PLD1: variants seen among roughly 807,000 people sequenced by gnomAD.
The protein encoded by PLD1 is choline phosphatase 1.
Under a neutral mutation model 137.1 loss-of-function variants are expected in PLD1, and 112 were observed. The ratio of observed to expected loss-of-function variants is 0.82; its 90% CI spans 0.70 to 0.96. The LOEUF (loss-of-function observed/expected upper bound fraction) is 0.96, where lower values mean the gene tolerates loss of function less well. PLD1 is among the 40% of genes least tolerant of loss of function. The pLI, the probability that PLD1 is intolerant of heterozygous loss-of-function variation, is 0.00. For missense variants in PLD1, 1,321 were observed against 1,342.0 expected (o/e 0.98, Z 0.24); for synonymous variants, 431 against 454.7 (o/e 0.95, Z 0.66).
chr3:171,644,205 A>G (rs1736005626), intron 22 of PLD1, among the ~76,000 whole-genome samples: 1 of 152,152 alleles, frequency 6.6e-6, no homozygotes, highest in South Asian at 2.1e-4. Context: ...TGGTTAAGTG[A>G]CCCTGAGAGA....
intron 11 of PLD1, among the ~76,000 whole-genome samples, chr3:171,703,868 T>C (rs1376125637): frequency 1.3e-5 from 2 of 152,138 alleles, no homozygotes. Flanking sequence ...AGGGTTGCAG[T>C]GGAAAGCCCA....
chr3:171,676,543 T>G (rs1012023298), intron 18 of PLD1, among the ~76,000 whole-genome samples, 172 bp downstream of exon 18: 14 of 103,150 alleles, frequency 1.4e-4, no homozygotes, highest in Non-Finnish European at 2.4e-5. Flanking sequence ...ATGTTTCCCT[T>G]TTTTTTTGCC....
Position 171,687,423 on chromosome 3 carries a change from G to T in PLD1, c.1701C>A (p.His567Gln), listed in dbSNP as rs1327125126. 6.2e-7 allele frequency: 1 copy of T among 1,614,084 alleles called. No individual in the cohort carries two copies. Among genetic ancestry groups the T allele is most frequent in the African/African-American group, 1.3e-5 (1 of 74,912 alleles). The stretch of plus-strand genomic sequence containing the variant: ...TATCTGCGTCGTGCAGGTGGTGCCT[G>T]TGGAGCTGCTTGTAGAGACTAAATT... ...FSKFSLYKQL[H>Q]RHHLHDADSI... Residue 567 changes from histidine to glutamine, a missense_variant, in exon 15 of 27, where the codon CAC (histidine) becomes CAA (glutamine). Physicochemically the swap from His to Gln is conservative, Grantham distance 24. Coordinates refer to ENST00000351298, the MANE Select transcript of PLD1 (RefSeq NM_002662.5).
At chr3:171,755,063 CT>C (rs1443318728) in intron 1 of PLD1, among the ~76,000 whole-genome samples, 2 of 152,130 alleles carry the variant, frequency 1.3e-5, no homozygotes, top group African/African-American at 2.4e-5. Flanking sequence ...GTATGTCCTT[CT>C]TTTGCAGTCA....
intron 19 of PLD1, among the ~76,000 whole-genome samples, chr3:171,674,040 A>T (rs1713069125): frequency 6.6e-6 from 1 of 152,186 alleles, no homozygotes; most frequent in Non-Finnish European, 1.5e-5. Flanking sequence ...GTTAAACTGG[A>T]TGTGGTAAAC....
At chr3:171,604,611 C>T (rs73038030) in intron 26 of PLD1, among the ~76,000 whole-genome samples, 7,241 of 152,122 alleles carry the variant, frequency 0.048, 423 homozygotes, top group African/African-American at 0.14. Flanking sequence ...TCTACTGTTA[C>T]GCAACTCTTA....
intron 4 of PLD1, 48 bp downstream of exon 4, chr3:171,735,443 AC>A (rs1719284525): frequency 6.6e-7 from 1 of 1,516,516 alleles, no homozygotes; most frequent in Admixed American, 1.7e-5. Flanking sequence ...GACAAAATAC[AC>A]TTTCCATTCA....
intron 23 of PLD1, among the ~76,000 whole-genome samples, chr3:171,625,978 A>G (rs938246181): frequency 5.9e-5 from 9 of 152,270 alleles, no homozygotes; most frequent in African/African-American, 2.2e-4. Flanking sequence ...GCTCCTCACC[A>G]GCAACGGAAC....
chr3:171,729,974 C>T (rs1288652297), intron 6 of PLD1, among the ~76,000 whole-genome samples: 1 of 152,180 alleles, frequency 6.6e-6, no homozygotes, highest in Admixed American at 6.5e-5. Context: ...AAATGATTTA[C>T]TTCAAGGTAG....
chr3:171,764,968 AAG>A (rs1491363259), intron 1 of PLD1, among the ~76,000 whole-genome samples: 2 of 108,194 alleles, frequency 1.8e-5, no homozygotes, highest in African/African-American at 5.9e-5. Flanking sequence ...GAAAGAAAGA[AAG>A]AAAGAAAGAA....
intron 19 of PLD1, among the ~76,000 whole-genome samples, chr3:171,663,674 C>G (rs1711769349): frequency 6.6e-6 from 1 of 152,116 alleles, no homozygotes; most frequent in South Asian, 2.1e-4. Flanking sequence ...TCACTTTTTT[C>G]CAACATTCTA....
chr3:171,805,367 C>G (rs954138141), intron 1 of PLD1, among the ~76,000 whole-genome samples: 3 of 152,176 alleles, frequency 2.0e-5, no homozygotes, highest in African/African-American at 7.2e-5. Context: ...ATGACCCAGT[C>G]GGCCATAATG....
In PLD1 at chr3:171,688,843, C is replaced by G. The variant is rs369917466; in HGVS notation, c.1372G>C (p.Val458Leu). 6.2e-7 allele frequency: 1 copy of G among 1,614,026 alleles called. No individual in the cohort carries two copies. Among genetic ancestry groups the G allele is most frequent in the Admixed American group, 1.7e-5 (1 of 60,016 alleles). The change falls in exon 14 of 27, where the codon GTC (valine) becomes CTC (leucine). Residue 458 changes from valine to leucine, a missense_variant. Val to Leu is a conservative substitution (Grantham distance 32, BLOSUM62 1). Coordinates refer to ENST00000351298, the MANE Select transcript of PLD1 (RefSeq NM_002662.5). ...TTCTCATGGTGAGCCCACAAATAGACGGTGGATGACACATGATCCGGGTGT... is the reference window on the plus strand; with the variant it reads ...TTCTCATGGTGAGCCCACAAATAGAGGGTGGATGACACATGATCCGGGTGT... ...MRHPDHVSST[V>L]YLWAHHEKLV... is the part of the protein sequence containing the mutation.
chr3:171,807,773 A>G (rs777580962), intron 1 of PLD1, among the ~76,000 whole-genome samples: 1 of 152,202 alleles, frequency 6.6e-6, no homozygotes, highest in African/African-American at 2.4e-5. Flanking sequence ...ACACAAATTC[A>G]TATGTTCACC....
At chr3:171,689,376 G>A (rs965732907) in intron 13 of PLD1, among the ~76,000 whole-genome samples, 2 of 152,144 alleles carry the variant, frequency 1.3e-5, no homozygotes, top group African/African-American at 4.8e-5. Flanking sequence ...TGAGAAGTTA[G>A]TAACCTCTTG....
intron 1 of PLD1, among the ~76,000 whole-genome samples, chr3:171,752,462 G>A (rs917111624): frequency 6.6e-6 from 1 of 152,164 alleles, no homozygotes; most frequent in Non-Finnish European, 1.5e-5. Flanking sequence ...CTCTTGCTGA[G>A]CTGTAAGCTC....
chr3:171,613,693 A>AT lies in PLD1; in HGVS notation c.2729-1262dup, dbSNP rs796470615. On this transcript the variant is annotated intron_variant, in intron 24 of 26. Transcript: ENST00000351298. ...AATACCTGGTTCATTCAAGGAGTCC[A>AT]TTTTTTTTTTTAAATCCAAGTGAGC... Among the ~76,000 whole-genome samples the AT allele has an allele frequency of 9.6e-3, 1,409 of 146,584 alleles. 17 individuals carry two copies. Among genetic ancestry groups the AT allele is most frequent in the African/African-American group, 0.03 (1,227 of 40,416 alleles).
chr3:171,644,157 G>C (rs952746436), intron 22 of PLD1, among the ~76,000 whole-genome samples: 5 of 152,166 alleles, frequency 3.3e-5, no homozygotes, highest in African/African-American at 1.2e-4. Context: ...GATTAGAAAG[G>C]TGAGAAACTA....
At position 171,605,498 on chromosome 3, in the gene PLD1, A is replaced by C. The variant is rs1419067200; in HGVS notation, c.2883-82T>G. On this transcript the variant is annotated intron_variant, in intron 25 of 26. Coordinates refer to ENST00000351298, the MANE Select transcript of PLD1 (RefSeq NM_002662.5). Reference sequence around the variant, plus strand: ...ATATATGTCTATTATATCTATCTCTATATATGCAAATATATATATGCAAAT... The same window carrying C: ...ATATATGTCTATTATATCTATCTCTCTATATGCAAATATATATATGCAAAT... 3.9e-6 allele frequency: 3 copies of C among 764,670 alleles called. No homozygotes were observed. The East Asian group carries it at 7.4e-5, about 19-fold the overall frequency. 47.4% of individuals were successfully genotyped at this position (764,670 alleles called of 1,614,324 possible). A position where few individuals can be genotyped will look rare whatever the true frequency, so the allele number is the denominator to read the frequency against.
Sources: gnomAD v4.1 joint callset for allele counts (sites outside exome capture counted in the v4.1 genomes callset) on GRCh38, gnomAD v4.1.1 for gene constraint, MANE v1.5 for transcripts, NCBI Gene and HGNC (gene_info 2026-07-23, HGNC 2026-07-21) for gene names.